LUZP2: variants seen among roughly 807,000 people sequenced by gnomAD.
LUZP2 encodes the protein leucine zipper protein 2.
In LUZP2, 52 loss-of-function variants were observed where a neutral mutation model predicts 51.6. The ratio of observed to expected loss-of-function variants is 1.01; its 90% CI spans 0.81 to 1.27. The LOEUF is 1.27. Among genes scored for constraint, LUZP2 ranks in the 50% most tolerant of loss-of-function variants. The pLI is 0.00. For synonymous variants in LUZP2, 154 were observed against 137.3 expected, an observed-to-expected ratio of 1.12 and a Z score of -0.85; for missense variants, 436 against 395.4, an observed-to-expected ratio of 1.10 and a Z score of -0.87.
chr11:24,882,393 T>A (rs189906636), intron 5 of LUZP2, among the ~76,000 whole-genome samples: 1 of 141,384 alleles, frequency 7.1e-6, no homozygotes, highest in East Asian at 2.0e-4. Context: ...TCACTCAACA[T>A]CCCACACCAA....
chr11:24,835,937 A>C (rs149570093), intron 5 of LUZP2, among the ~76,000 whole-genome samples: 54 of 152,096 alleles, frequency 3.6e-4, no homozygotes, highest in African/African-American at 1.3e-3. Flanking sequence ...ACTCGTAAAA[A>C]ATTTGCTGCA....
At chr11:24,937,770 G>A (rs1052119241) in intron 7 of LUZP2, among the ~76,000 whole-genome samples, 4 of 151,910 alleles carry the variant, frequency 2.6e-5, no homozygotes, top group Non-Finnish European at 5.9e-5. Context: ...GCGTGGTGGC[G>A]GGCGCCCGTA....
intron 5 of LUZP2, among the ~76,000 whole-genome samples, chr11:24,800,093 C>T (rs1365403960): frequency 6.6e-6 from 1 of 152,084 alleles, no homozygotes; most frequent in Non-Finnish European, 1.5e-5. Context: ...GTCTTCCTCC[C>T]CATAATTTGC....
At chr11:24,903,768 C>A (rs1432996049) in intron 5 of LUZP2, among the ~76,000 whole-genome samples, 1 of 152,020 alleles carries the variant, frequency 6.6e-6, no homozygotes, top group East Asian at 1.9e-4. Context: ...TGCAATAAGC[C>A]AGATATAATT....
At chr11:25,015,240 A>G (rs942159007) in intron 9 of LUZP2, among the ~76,000 whole-genome samples, 3 of 152,204 alleles carry the variant, frequency 2.0e-5, no homozygotes, top group Admixed American at 2.0e-4. Context: ...TTAGTTTGGA[A>G]TACCTCTACA....
intron 5 of LUZP2, among the ~76,000 whole-genome samples, chr11:24,825,682 C>T (rs932664381): frequency 6.6e-6 from 1 of 151,964 alleles, no homozygotes; most frequent in African/African-American, 2.4e-5. Flanking sequence ...TTTTTCCATG[C>T]TCATGAATTT....
At position 24,666,778 on chromosome 11, in the gene LUZP2, G is replaced by T. The variant is rs182448340; in HGVS notation, c.63-62391G>T. ...ATCTTCGATGTTTGGAAGTTAAGAT[G>T]ATTTTTAGTGTTATTACTAAACAGG... On this transcript the variant is annotated intron_variant, in intron 1 of 11. Coordinates refer to ENST00000336930, the MANE Select transcript of LUZP2 (RefSeq NM_001009909.4). Among the ~76,000 whole-genome samples the T allele has an allele frequency of 9.8e-4, 149 of 152,274 alleles. 1 individual carries two copies. The highest frequency in any genetic ancestry group is 3.4e-3 in the African/African-American group (143 of 41,554).
chr11:24,516,619 G>A (rs950520502), intron 1 of LUZP2, among the ~76,000 whole-genome samples: 4 of 152,082 alleles, frequency 2.6e-5, no homozygotes, highest in Admixed American at 1.3e-4. Flanking sequence ...TCCATCTTAA[G>A]ACAATATGAC....
intron 5 of LUZP2, among the ~76,000 whole-genome samples, chr11:24,863,811 C>T (rs930701456): frequency 1.8e-4 from 28 of 152,186 alleles, no homozygotes; most frequent in African/African-American, 6.5e-4. Flanking sequence ...CCTGATATTG[C>T]TAGTCCTTTT....
At position 24,880,762 on chromosome 11, in the gene LUZP2, ATG is replaced by A. The variant is rs547890871; in HGVS notation, c.397-25219_397-25218del. On this transcript the variant is annotated intron_variant, in intron 5 of 11. Coordinates refer to ENST00000336930, the MANE Select transcript of LUZP2 (RefSeq NM_001009909.4). Reference sequence around the variant, plus strand: ...AATGTGTGTGTGTGTGTGTATGTGTATGTGTGTGTGTATGTGTGTGTTTGTGT... The same window carrying A: ...AATGTGTGTGTGTGTGTGTATGTGTATGTGTGTGTATGTGTGTGTTTGTGT... Among the ~76,000 whole-genome samples, 430 of 151,400 alleles carry A rather than the reference ATG, an allele frequency of 2.8e-3. 1 individual carries two copies. The highest frequency in any genetic ancestry group is 4.6e-3 in the Non-Finnish European group (309 of 67,680).
chr11:24,598,622 C>G (rs572183078), intron 1 of LUZP2, among the ~76,000 whole-genome samples: 2 of 152,094 alleles, frequency 1.3e-5, no homozygotes, highest in South Asian at 4.2e-4. Context: ...CATATGGTCC[C>G]TGAAAATAAG....
intron 5 of LUZP2, among the ~76,000 whole-genome samples, chr11:24,826,426 C>T (rs1850544190): frequency 6.6e-6 from 1 of 151,442 alleles, no homozygotes. Flanking sequence ...TATCAAATGT[C>T]ATACAGAAGA....
intron 9 of LUZP2, among the ~76,000 whole-genome samples, chr11:24,994,588 G>A (rs940011989): frequency 6.6e-6 from 1 of 152,138 alleles, no homozygotes; most frequent in Non-Finnish European, 1.5e-5. Context: ...TGTATTTAAA[G>A]TTTGCTTTGG....
chr11:24,642,996 C>G (rs1303077937), intron 1 of LUZP2, among the ~76,000 whole-genome samples: 1 of 151,630 alleles, frequency 6.6e-6, no homozygotes, highest in Admixed American at 6.6e-5. Context: ...TGTAGAGAAG[C>G]CTGAATAAAG....
intron 1 of LUZP2, among the ~76,000 whole-genome samples, chr11:24,663,645 T>G (rs980341798): frequency 1.3e-5 from 2 of 152,202 alleles, no homozygotes; most frequent in Non-Finnish European, 2.9e-5. Flanking sequence ...AGCTATGTAG[T>G]GAATATGATT....
chr11:24,809,369 T>C (rs1849951121), intron 5 of LUZP2, among the ~76,000 whole-genome samples: 1 of 151,972 alleles, frequency 6.6e-6, no homozygotes, highest in Non-Finnish European at 1.5e-5. Flanking sequence ...CAGATGATCA[T>C]TGAGTTAGTT....
intron 1 of LUZP2, among the ~76,000 whole-genome samples, chr11:24,602,171 T>TATATGTATATATGTATATATGTAC (rs1565020601): frequency 1.3e-5 from 1 of 74,932 alleles, no homozygotes; most frequent in African/African-American, 6.2e-5. Context: ...TATATGTGTA[T>TATATGTATATATGTATATATGTAC]ATATATGTGT....
intron 1 of LUZP2, among the ~76,000 whole-genome samples, chr11:24,596,437 A>G (rs1274318978): frequency 6.6e-6 from 1 of 152,160 alleles, no homozygotes; most frequent in African/African-American, 2.4e-5. Flanking sequence ...CTTTTATGCA[A>G]TAATAGGATC....
chr11:24,874,185 T>A (rs1044167418), intron 5 of LUZP2, among the ~76,000 whole-genome samples: 2 of 152,174 alleles, frequency 1.3e-5, no homozygotes, highest in Non-Finnish European at 2.9e-5. Context: ...GATTCTCATT[T>A]GCCCAATATG....
Sources: allele counts gnomAD v4.1 joint callset (sites outside exome capture counted in the v4.1 genomes callset), GRCh38; gene constraint gnomAD v4.1.1; transcripts MANE v1.5; gene names NCBI Gene and HGNC (gene_info 2026-07-23, HGNC 2026-07-21).